The following BANK1 variants were observed in gnomAD, a reference collection of about 807,000 sequenced individuals.
BANK1 encodes the protein B cell scaffold protein with ankyrin repeats 1.
Under a neutral mutation model 94.5 loss-of-function variants are expected in BANK1, and 95 were observed. The observed-to-expected ratio is 1.00, with a 90% CI of 0.85 to 1.19. BANK1 has a LOEUF of 1.19. BANK1 is among the 50% of genes most tolerant of loss of function. BANK1 has a pLI of 0.00. For synonymous variants in BANK1, 334 were observed against 308.4 expected, an observed-to-expected ratio of 1.08 and a Z score of -0.87; for missense variants, 987 against 932.2, an observed-to-expected ratio of 1.06 and a Z score of -0.77.
chr4:101,858,603 T>G (rs1411763215), intron 3 of BANK1, among the ~76,000 whole-genome samples: 1 of 152,166 alleles, frequency 6.6e-6, no homozygotes, highest in Non-Finnish European at 1.5e-5. Context: ...TTTAATATAA[T>G]CAACCCTAAT....
At chr4:102,051,913 C>CA (rs1728060780) in intron 11 of BANK1, among the ~76,000 whole-genome samples, 1 of 151,974 alleles carries the variant, frequency 6.6e-6, no homozygotes, top group African/African-American at 2.4e-5. Flanking sequence ...TACATAGTGC[C>CA]AGGGAATCAT....
chr4:101,827,925 G>A (rs951318055), intron 1 of BANK1, among the ~76,000 whole-genome samples: 6 of 151,590 alleles, frequency 4.0e-5, no homozygotes, highest in African/African-American at 1.5e-4. Flanking sequence ...ATTATCTATT[G>A]TCTTCCTATA....
intron 5 of BANK1, among the ~76,000 whole-genome samples, chr4:101,881,063 C>T (rs906098696): frequency 4.6e-5 from 7 of 151,902 alleles, no homozygotes; most frequent in Admixed American, 1.3e-4. Flanking sequence ...AAAGCAAAAA[C>T]GGACAAATAT....
At chr4:101,825,280 G>A (rs768950452) in intron 1 of BANK1, among the ~76,000 whole-genome samples, 3 of 152,012 alleles carry the variant, frequency 2.0e-5, no homozygotes, top group Non-Finnish European at 4.4e-5. Flanking sequence ...CTCCTTAAAT[G>A]GGGAGAATTA....
intron 2 of BANK1, among the ~76,000 whole-genome samples, chr4:101,833,468 A>G (rs1465171551): frequency 6.6e-6 from 1 of 152,166 alleles, no homozygotes. Context: ...TATAGCTCTT[A>G]ATTTAGCCTC....
At chr4:102,051,123 C>G (rs1728032339) in intron 11 of BANK1, among the ~76,000 whole-genome samples, 1 of 152,116 alleles carries the variant, frequency 6.6e-6, no homozygotes, top group Non-Finnish European at 1.5e-5. Flanking sequence ...TGTCTAGAAG[C>G]AGGAGACCTG....
chr4:102,015,900 C>T (rs1218588458), intron 7 of BANK1, among the ~76,000 whole-genome samples: 1 of 152,114 alleles, frequency 6.6e-6, no homozygotes, highest in Non-Finnish European at 1.5e-5. Context: ...TGCTACTTTC[C>T]ACTTCTTAAG....
chr4:101,906,346 G>C (rs1053425220), intron 6 of BANK1, among the ~76,000 whole-genome samples: 1 of 152,094 alleles, frequency 6.6e-6, no homozygotes, highest in Non-Finnish European at 1.5e-5. Flanking sequence ...TGTTGATCGG[G>C]GGGTATATTC....
At chr4:102,003,299 C>T (rs1470180679) in intron 7 of BANK1, among the ~76,000 whole-genome samples, 2 of 152,210 alleles carry the variant, frequency 1.3e-5, no homozygotes, top group African/African-American at 4.8e-5. Flanking sequence ...TTGAGTTTTA[C>T]TCATAATCAT....
chr4:101,895,294 C>G lies in BANK1; in HGVS notation c.904-11C>G. ...AACCTAGTGAAAATTTTCTTTTTCA[C>G]TTGAAAACAGAATAGCATTGAAGAA... On this transcript the variant is annotated splice_polypyrimidine_tract_variant and intron_variant, in intron 5 of 16. Coordinates refer to ENST00000322953, the MANE Select transcript of BANK1 (RefSeq NM_017935.5). 1 of 1,505,846 alleles carries G rather than the reference C, an allele frequency of 6.6e-7. No individual in the cohort carries two copies. The highest frequency in any genetic ancestry group is 2.5e-5 in the East Asian group (1 of 40,204). The allele number at this position is 1,505,846 out of a possible 1,614,324, so 93.3% of individuals were successfully genotyped here.
intron 6 of BANK1, 33 bp downstream of exon 6, chr4:101,895,443 T>C (rs941415620): frequency 6.3e-6 from 8 of 1,269,720 alleles, no homozygotes; most frequent in Non-Finnish European, 9.1e-6. Context: ...AATTATTCTT[T>C]TTATCACATT....
intron 13 of BANK1, among the ~76,000 whole-genome samples, chr4:102,067,972 G>T (rs1012396686): frequency 6.6e-6 from 1 of 151,964 alleles, no homozygotes; most frequent in African/African-American, 2.4e-5. Flanking sequence ...CAGTCTTTTA[G>T]AATCTTATAT....
chr4:101,958,227 G>A (rs1724434532), intron 7 of BANK1, among the ~76,000 whole-genome samples: 1 of 152,078 alleles, frequency 6.6e-6, no homozygotes. Flanking sequence ...ACTAGGCTAG[G>A]TGTTTGATTT....
intron 7 of BANK1, among the ~76,000 whole-genome samples, chr4:101,957,575 A>C (rs1454921132): frequency 6.6e-6 from 1 of 152,180 alleles, no homozygotes; most frequent in Admixed American, 6.5e-5. Context: ...GAAACTTAGA[A>C]GGGAAAACTC....
chr4:102,060,014 T>C (rs1055728810), intron 11 of BANK1, among the ~76,000 whole-genome samples, 197 bp from the exon 12 acceptor site: 2 of 152,170 alleles, frequency 1.3e-5, no homozygotes, highest in Non-Finnish European at 2.9e-5. Flanking sequence ...ATGAGACACT[T>C]TTTTTTCACC....
intron 6 of BANK1, among the ~76,000 whole-genome samples, chr4:101,907,637 A>T (rs568501769): frequency 3.5e-4 from 54 of 152,318 alleles, no homozygotes; most frequent in African/African-American, 1.3e-3. Context: ...AGATGACATG[A>T]TTGTATATTT....
chr4:101,791,652 G>A (rs1724992388), intron 1 of BANK1, among the ~76,000 whole-genome samples: 1 of 152,172 alleles, frequency 6.6e-6, no homozygotes, highest in South Asian at 2.1e-4. Context: ...CTTCACTTAG[G>A]TATTAATATT....
intron 7 of BANK1, among the ~76,000 whole-genome samples, chr4:101,989,585 T>C (rs2148931287): frequency 6.6e-6 from 1 of 152,200 alleles, no homozygotes; most frequent in African/African-American, 2.4e-5. Context: ...AGATTCAAAC[T>C]GGACAGAATA....
chr4:102,013,654 G>A (rs930783773), intron 7 of BANK1, among the ~76,000 whole-genome samples: 6 of 151,626 alleles, frequency 4.0e-5, no homozygotes, highest in African/African-American at 7.3e-5. Context: ...CTGAAAATAG[G>A]GATTTTTTTT....
Sources: allele counts gnomAD v4.1 joint callset (sites outside exome capture counted in the v4.1 genomes callset), GRCh38; gene constraint gnomAD v4.1.1; transcripts MANE v1.5; gene names NCBI Gene and HGNC (gene_info 2026-07-23, HGNC 2026-07-21).